LRRC1: variants seen among roughly 807,000 people sequenced by gnomAD.
LRRC1 encodes the protein leucine rich repeat containing 1.
LRRC1 carries 28 observed loss-of-function variants against 69.9 expected under a neutral mutation model. The observed-to-expected ratio is 0.40, with a 90% confidence interval of 0.30 to 0.55. The LOEUF (loss-of-function observed/expected upper bound fraction) is 0.55, where lower values mean the gene tolerates loss of function less well. Ranked by LOEUF, LRRC1 falls within the 20% of genes least tolerant of loss-of-function variation. LRRC1 has a pLI of 0.47. For synonymous variants in LRRC1, 236 were observed against 240.2 expected (o/e 0.98, Z 0.16); for missense variants, 498 against 609.0 (o/e 0.82, Z 1.92).
At chr6:53,875,110 C>T (rs1303324718) in intron 2 of LRRC1, among the ~76,000 whole-genome samples, 1 of 152,132 alleles carries the variant, frequency 6.6e-6, no homozygotes, top group African/African-American at 2.4e-5. Context: ...TAAGTTGCTG[C>T]TCGCAAAAGC....
At chr6:53,899,148 A>G (rs1256425794) in intron 7 of LRRC1, among the ~76,000 whole-genome samples, 1 of 152,224 alleles carries the variant, frequency 6.6e-6, no homozygotes, top group East Asian at 1.9e-4. Context: ...TAGGTCTTGA[A>G]TAGAATGTTA....
At chr6:53,906,017 A>G (rs1213261183) in intron 10 of LRRC1, among the ~76,000 whole-genome samples, 1 of 152,226 alleles carries the variant, frequency 6.6e-6, no homozygotes, top group Non-Finnish European at 1.5e-5. Context: ...TGGATAGTAG[A>G]TTGGGCATAT....
intron 1 of LRRC1, among the ~76,000 whole-genome samples, chr6:53,836,968 AATAAT>A (rs1448458809): frequency 6.6e-6 from 1 of 152,176 alleles, no homozygotes; most frequent in African/African-American, 2.4e-5. Context: ...ATATAAATGA[AATAAT>A]ATAGTATGCA....
intron 10 of LRRC1, among the ~76,000 whole-genome samples, chr6:53,909,691 C>T (rs1054537021): frequency 6.6e-6 from 1 of 151,710 alleles, no homozygotes; most frequent in African/African-American, 2.4e-5. Context: ...CAAAGCCACA[C>T]AATTGCCAAA....
At position 53,803,588 on chromosome 6, in the gene LRRC1, A is replaced by ATGTG. The variant is rs150574296; in HGVS notation, c.159+8187_159+8190dup. 6.9e-4 allele frequency among the ~76,000 whole-genome samples: 104 copies of ATGTG among 150,340 alleles called. 1 individual carries two copies. Among genetic ancestry groups the ATGTG allele is most frequent in the Middle Eastern group, 3.4e-3 (1 of 290 alleles). On this transcript the variant is annotated intron_variant, in intron 1 of 13. Transcript: ENST00000370888. ...AAGATCTAATAGAGTGTGTGTGTGT[A>ATGTG]TGTGTGTGTGTGTGTGTAGTGTAAA... is the stretch of plus-strand genomic sequence containing the variant.
chr6:53,803,927 G>T (rs537418751), intron 1 of LRRC1, among the ~76,000 whole-genome samples: 39 of 152,126 alleles, frequency 2.6e-4, no homozygotes, highest in Non-Finnish European at 5.3e-4. Context: ...TAATCTGGAG[G>T]GCTGTCCACT....
chr6:53,846,491 CCTT>C (rs1263113161), intron 2 of LRRC1, among the ~76,000 whole-genome samples: 5 of 152,298 alleles, frequency 3.3e-5, no homozygotes, highest in Middle Eastern at 3.4e-3. Context: ...TGCCGCTGGG[CCTT>C]CTTTTGCGGA....
At chr6:53,882,134 G>T (rs1467935802) in intron 3 of LRRC1, among the ~76,000 whole-genome samples, 1 of 152,160 alleles carries the variant, frequency 6.6e-6, no homozygotes, top group African/African-American at 2.4e-5. Context: ...GGATCACTAG[G>T]TCAGGAGTTT....
At chr6:53,799,587 C>T (rs1028125944) in intron 1 of LRRC1, among the ~76,000 whole-genome samples, 17 of 152,202 alleles carry the variant, frequency 1.1e-4, no homozygotes, top group African/African-American at 3.9e-4. Flanking sequence ...GTGCTGGACA[C>T]CTTTGATTGC....
chr6:53,816,670 A>G (rs976033762), intron 1 of LRRC1, among the ~76,000 whole-genome samples: 2 of 152,154 alleles, frequency 1.3e-5, no homozygotes, highest in African/African-American at 4.8e-5. Context: ...AAGGTGTTAT[A>G]TATTTTCTAG....
intron 2 of LRRC1, among the ~76,000 whole-genome samples, chr6:53,873,452 C>T (rs564195007): frequency 1.8e-4 from 25 of 137,364 alleles, no homozygotes; most frequent in African/African-American, 3.1e-4. Context: ...CCACCACGCC[C>T]GGCTAATTTT....
chr6:53,891,488 GAT>G (rs1226869342), intron 4 of LRRC1, among the ~76,000 whole-genome samples: 1 of 148,660 alleles, frequency 6.7e-6, no homozygotes, highest in Non-Finnish European at 1.5e-5. Flanking sequence ...CAAAGTGCCA[GAT>G]ATATATGTAT....
chr6:53,866,730 T>G (rs1453761156), intron 2 of LRRC1, among the ~76,000 whole-genome samples: 1 of 152,158 alleles, frequency 6.6e-6, no homozygotes, highest in Non-Finnish European at 1.5e-5. Context: ...ATACTGTTTG[T>G]AATCCAAAAT....
Position 53,902,731 on chromosome 6 carries a change from C to A in LRRC1, c.890C>A (p.Thr297Lys), listed in dbSNP as rs1248779935. The A allele has an allele frequency of 1.2e-6, 2 of 1,608,894 alleles. No homozygotes were observed. Among genetic ancestry groups the A allele is most frequent in the African/African-American group, 2.7e-5 (2 of 74,892 alleles). Residue 297 changes from threonine to lysine, a missense_variant, in exon 9 of 14, where the codon ACA becomes AAA. By Grantham distance (78) the Thr-to-Lys change is moderately conservative. This residue lies in a region of LRRC1 where 266 missense variants were observed against 383.9 expected (regional missense o/e 0.69). Transcript: ENST00000370888. ...GAAAGTCTCACTGAGTTAGTTCTTA[C>A]AGAAAATCAGCTCCTGGTAAGTGTG... Reference protein sequence around the residue: ...ECESLTELVLTENQLLTLPKS... With the variant: ...ECESLTELVLKENQLLTLPKS...
intron 8 of LRRC1, among the ~76,000 whole-genome samples, chr6:53,902,305 GTC>G (rs1427604118): frequency 1.3e-5 from 2 of 151,952 alleles, no homozygotes; most frequent in Non-Finnish European, 2.9e-5. Context: ...TAAAATGAAA[GTC>G]TCCTCTGTGC....
intron 1 of LRRC1, among the ~76,000 whole-genome samples, chr6:53,839,321 A>G (rs1264991537): frequency 6.6e-6 from 1 of 152,052 alleles, no homozygotes; most frequent in Non-Finnish European, 1.5e-5. Flanking sequence ...AATCTTTTTT[A>G]CCAACAAAAA....
chr6:53,909,427 A>G (rs1427646743), intron 10 of LRRC1, among the ~76,000 whole-genome samples: 1 of 152,208 alleles, frequency 6.6e-6, no homozygotes, highest in Non-Finnish European at 1.5e-5. Flanking sequence ...TCTTAGAAGC[A>G]TTGTTAAAGT....
chr6:53,850,675 A>G (rs1766098483), intron 2 of LRRC1, among the ~76,000 whole-genome samples: 2 of 152,238 alleles, frequency 1.3e-5, no homozygotes, highest in Non-Finnish European at 1.5e-5. Context: ...GTGCATTAGC[A>G]TAGGCTATTG....
At chr6:53,864,270 C>T (rs975338300) in intron 2 of LRRC1, among the ~76,000 whole-genome samples, 2 of 152,138 alleles carry the variant, frequency 1.3e-5, no homozygotes, top group South Asian at 2.1e-4. Flanking sequence ...CTCATAACAG[C>T]AGGTTCACTT....
Sources: gnomAD v4.1 joint callset for allele counts (sites outside exome capture counted in the v4.1 genomes callset) on GRCh38, gnomAD v4.1.1 for gene constraint, gnomAD v4.1.1 regional missense constraint, MANE v1.5 for transcripts, NCBI Gene and HGNC (gene_info 2026-07-23, HGNC 2026-07-21) for gene names.